Variants in FERRY3 observed in about 807,000 individuals in gnomAD.
FERRY3 encodes the protein protein C12orf4.
At chr12:4,490,590 C>T in the FERRY3 span, 5 of 1,609,558 alleles carry the variant, frequency 3.1e-6, no homozygotes, top group South Asian at 5.5e-5. Flanking sequence ...ATCATGAAAC[C>T]TAAAATAGAA....
chr12:4,496,455 C>G, the FERRY3 span, among the ~76,000 whole-genome samples: 2 of 152,144 alleles, frequency 1.3e-5, no homozygotes, highest in Non-Finnish European at 2.9e-5. Flanking sequence ...GTGACTAAAT[C>G]TTAGTAACAT....
chr12:4,491,222 G>A, the FERRY3 span: 1 of 1,612,686 alleles, frequency 6.2e-7, no homozygotes, highest in Non-Finnish European at 8.5e-7. Context: ...AAGCACCAGG[G>A]TATAGTCATT....
chr12:4,530,850 C>T, the FERRY3 span, among the ~76,000 whole-genome samples: 1 of 152,068 alleles, frequency 6.6e-6, no homozygotes, highest in Admixed American at 6.5e-5. Context: ...GCCTCCTCAA[C>T]TCATCGGAGG....
chr12:4,525,846 CA>C, the FERRY3 span, among the ~76,000 whole-genome samples: 1 of 152,276 alleles, frequency 6.6e-6, no homozygotes, highest in Admixed American at 6.5e-5. Context: ...CGAATGCAGT[CA>C]AAATCTAAGT....
the FERRY3 span, chr12:4,488,136 A>G: frequency 6.6e-6 from 1 of 152,202 alleles, no homozygotes; most frequent in Non-Finnish European, 1.5e-5. The surrounding 1 kb of genome is among the most constrained non-coding windows in gnomAD (Gnocchi z 4.9). Context: ...CGGACATTCG[A>G]TAAATTTATC....
the FERRY3 span, among the ~76,000 whole-genome samples, chr12:4,498,938 A>G: frequency 2.0e-5 from 3 of 152,176 alleles, no homozygotes; most frequent in Non-Finnish European, 2.9e-5. Context: ...TTGCCCTTCA[A>G]TGCTCACCTC....
At chr12:4,516,798 G>A in the FERRY3 span, among the ~76,000 whole-genome samples, 2 of 152,004 alleles carry the variant, frequency 1.3e-5, no homozygotes, top group African/African-American at 4.8e-5. Flanking sequence ...AAACCGCCAT[G>A]GCACACGTTT....
chr12:4,490,531 T>C, the FERRY3 span: 2 of 1,604,124 alleles, frequency 1.2e-6, no homozygotes, highest in South Asian at 1.1e-5. Flanking sequence ...CCTGTGGTAC[T>C]AGAAATTGCA....
the FERRY3 span, among the ~76,000 whole-genome samples, chr12:4,510,510 C>G: frequency 4.2e-5 from 6 of 142,844 alleles, no homozygotes; most frequent in East Asian, 1.2e-3. Flanking sequence ...GTCGGGTTAC[C>G]CTCAAAGGGA....
the FERRY3 span, among the ~76,000 whole-genome samples, chr12:4,526,242 T>A: frequency 6.6e-6 from 1 of 152,180 alleles, no homozygotes; most frequent in African/African-American, 2.4e-5. Flanking sequence ...TAGAAGGGCA[T>A]GAAAGAGGAC....
chr12:4,520,178 G>A, the FERRY3 span, among the ~76,000 whole-genome samples: 3 of 152,124 alleles, frequency 2.0e-5, no homozygotes, highest in Non-Finnish European at 2.9e-5. Context: ...AGAATAGGTC[G>A]GAGCCACAGG....
At chr12:4,511,408 A>C in the FERRY3 span, among the ~76,000 whole-genome samples, 1 of 152,064 alleles carries the variant, frequency 6.6e-6, no homozygotes, top group Non-Finnish European at 1.5e-5. Flanking sequence ...CATCTACAGA[A>C]CTCTCCACCC....
the FERRY3 span, among the ~76,000 whole-genome samples, chr12:4,532,591 C>T: frequency 5.9e-5 from 9 of 152,292 alleles, no homozygotes; most frequent in African/African-American, 7.2e-5. Flanking sequence ...AAACTCAGTC[C>T]GTCAGTATTC....
chr12:4,534,110 A>C, the FERRY3 span: 5 of 1,512,336 alleles, frequency 3.3e-6, no homozygotes, highest in Admixed American at 1.2e-4. Flanking sequence ...AATTTTCACC[A>C]AAATCCAGAA....
chr12:4,500,827 ATT>A, the FERRY3 span, among the ~76,000 whole-genome samples: 1 of 152,044 alleles, frequency 6.6e-6, no homozygotes, highest in Non-Finnish European at 1.5e-5. Context: ...TAATTTTTGT[ATT>A]TTTAGTAGAG....
the FERRY3 span, among the ~76,000 whole-genome samples, chr12:4,496,141 T>C: frequency 2.0e-5 from 3 of 152,204 alleles, no homozygotes; most frequent in African/African-American, 7.2e-5. Context: ...GACTCCACCG[T>C]TAGCTTAAGA....
At chr12:4,491,283 T>A in the FERRY3 span, 1 of 1,523,306 alleles carries the variant, frequency 6.6e-7, no homozygotes, top group Non-Finnish European at 9.1e-7. Flanking sequence ...GAACTTTGTA[T>A]AAAAAATAAA....
the FERRY3 span, chr12:4,534,097 A>T: frequency 2.0e-6 from 3 of 1,491,976 alleles, no homozygotes; most frequent in African/African-American, 4.3e-5. Flanking sequence ...ACAGCATTTT[A>T]AAAATTTTCA....
chr12:4,536,950 G>A, the FERRY3 span, among the ~76,000 whole-genome samples: 1 of 152,030 alleles, frequency 6.6e-6, no homozygotes, highest in Admixed American at 6.6e-5. Context: ...TTTAAAAAAG[G>A]AATATACTTA....
Sources: allele counts gnomAD v4.1 joint callset (sites outside exome capture counted in the v4.1 genomes callset), GRCh38; gene constraint gnomAD v4.1.1; non-coding constraint Gnocchi (gnomAD v3.1); transcripts MANE v1.5; gene names NCBI Gene and HGNC (gene_info 2026-07-23, HGNC 2026-07-21).